Variants in THEMIS observed in about 807,000 individuals in gnomAD.
THEMIS encodes the protein protein THEMIS.
In THEMIS, 37 loss-of-function variants were observed where a neutral mutation model predicts 52.6. That is an observed-to-expected ratio of 0.70 (90% CI 0.54 to 0.93). The LOEUF (loss-of-function observed/expected upper bound fraction) is 0.93. Ranked by LOEUF, THEMIS falls within the 40% of genes least tolerant of loss-of-function variation. The pLI is 0.00. For synonymous variants in THEMIS, 292 were observed against 272.7 expected (o/e 1.07, Z -0.70); for missense variants, 808 against 763.1 (o/e 1.06, Z -0.69).
At chr6:127,802,753 C>T (rs977727135) in intron 4 of THEMIS, among the ~76,000 whole-genome samples, 4 of 152,120 alleles carry the variant, frequency 2.6e-5, no homozygotes, top group African/African-American at 9.7e-5. Flanking sequence ...GTGGAAGGAC[C>T]CCACTACATT....
intron 4 of THEMIS, among the ~76,000 whole-genome samples, chr6:127,798,844 T>G (rs1473618789): frequency 2.0e-5 from 3 of 151,428 alleles, no homozygotes; most frequent in Non-Finnish European, 2.9e-5. Flanking sequence ...TACAAAAAAT[T>G]AGCTGGGCGT....
At chr6:127,774,683 G>A (rs1776499498) in intron 4 of THEMIS, among the ~76,000 whole-genome samples, 1 of 152,184 alleles carries the variant, frequency 6.6e-6, no homozygotes, top group South Asian at 2.1e-4. Flanking sequence ...CACTTAGTCC[G>A]CTAGCCAAGG....
chr6:127,796,945 T>C (rs1777350267), intron 4 of THEMIS, among the ~76,000 whole-genome samples: 1 of 152,252 alleles, frequency 6.6e-6, no homozygotes, highest in South Asian at 2.1e-4. Flanking sequence ...TAGTCTTTAG[T>C]GAGTACATGG....
chr6:127,895,339 T>G, intron 1 of THEMIS, among the ~76,000 whole-genome samples: 1 of 151,488 alleles, frequency 6.6e-6, no homozygotes, highest in East Asian at 1.9e-4. Flanking sequence ...AAAAAACATT[T>G]GTGGTAAGAA....
intron 5 of THEMIS, among the ~76,000 whole-genome samples, chr6:127,719,266 T>A (rs944548939): frequency 1.3e-5 from 2 of 151,948 alleles, no homozygotes; most frequent in Non-Finnish European, 2.9e-5. Flanking sequence ...ACAATCTCTA[T>A]AAACTAAACC....
At chr6:127,825,186 G>A (rs1400862911) in intron 3 of THEMIS, among the ~76,000 whole-genome samples, 1 of 152,064 alleles carries the variant, frequency 6.6e-6, no homozygotes, top group African/African-American at 2.4e-5. Context: ...ATCAGTATGG[G>A]AATTTCAGTA....
intron 4 of THEMIS, among the ~76,000 whole-genome samples, chr6:127,760,051 T>C (rs986546872): frequency 5.9e-5 from 9 of 152,002 alleles, no homozygotes; most frequent in Non-Finnish European, 8.8e-5. Flanking sequence ...TGAGTCAATA[T>C]TGATGTATAG....
At position 127,913,265 on chromosome 6, in the gene THEMIS, T is replaced by C. The variant is rs143678102; in HGVS notation, c.-150+5163A>G. Among the ~76,000 whole-genome samples, 703 of 152,338 alleles carry C rather than the reference T, an allele frequency of 4.6e-3. 7 individuals are homozygous for C. Among genetic ancestry groups the C allele is most frequent in the African/African-American group, 0.016 (666 of 41,560 alleles). ...TTAAGTTCTAGTTCCTTTACCTCTA[T>C]GAAGCCTTTTCTAATCTTTATATTA... On this transcript the variant is annotated intron_variant, in intron 1 of 6. Transcript: ENST00000368250.
chr6:127,696,792 C>T, the THEMIS span, among the ~76,000 whole-genome samples: 1 of 151,670 alleles, frequency 6.6e-6, no homozygotes, highest in Non-Finnish European at 1.5e-5. Context: ...TCTGTCTTTA[C>T]ATAGTCTTTC....
chr6:127,837,440 T>TTTAA (rs1473030393), intron 2 of THEMIS, among the ~76,000 whole-genome samples: 1 of 152,126 alleles, frequency 6.6e-6, no homozygotes, highest in African/African-American at 2.4e-5. Flanking sequence ...AATCTCCTCA[T>TTTAA]TTAATTTATT....
At chr6:127,717,304 G>A (rs1235269694) in intron 5 of THEMIS, among the ~76,000 whole-genome samples, 2 of 151,794 alleles carry the variant, frequency 1.3e-5, no homozygotes, top group Admixed American at 6.6e-5. Context: ...CTACCTAATG[G>A]GGGAGCCAAA....
At chr6:127,840,343 T>C (rs770618809) in intron 2 of THEMIS, among the ~76,000 whole-genome samples, 9 of 152,118 alleles carry the variant, frequency 5.9e-5, no homozygotes, top group Non-Finnish European at 1.0e-4. Context: ...ATAAAAATTA[T>C]GCCTTGAAGA....
At chr6:127,916,899 A>G (rs2114544308) in intron 1 of THEMIS, among the ~76,000 whole-genome samples, 1 of 152,340 alleles carries the variant, frequency 6.6e-6, no homozygotes, top group Non-Finnish European at 1.5e-5. Context: ...AAAACACACT[A>G]AAAGTAATGG....
rs768563536 is a variant in THEMIS, at chr6:127,813,013, A to G, written c.1628T>C (p.Met543Thr). Reference protein sequence around the residue: ...EEITEEQYYMMRRYESSASHP... With the variant: ...EEITEEQYYMTRRYESSASHP... ...TGAGGCTGAGCTTTCATATCTCCGC[A>G]TCATGTAATATTGCTCTTCAGTGAT... is the stretch of plus-strand genomic sequence containing the variant. Residue 543 changes from methionine to threonine, a missense_variant, in exon 4 of 6, where the codon ATG becomes ACG. By Grantham distance (81) the Met-to-Thr change is moderately conservative. Coordinates refer to ENST00000368248, the MANE Select transcript of THEMIS (RefSeq NM_001010923.3). The G allele has an allele frequency of 1.9e-6, 3 of 1,614,104 alleles. No individual in the cohort carries two copies. The highest frequency in any genetic ancestry group is 2.5e-6 in the Non-Finnish European group (3 of 1,179,998).
At chr6:127,720,884 A>AT (rs111249272) in intron 4 of THEMIS, among the ~76,000 whole-genome samples, 3,740 of 151,958 alleles carry the variant, frequency 0.025, 155 homozygotes, top group African/African-American at 0.086. Flanking sequence ...ATTTCTTAAG[A>AT]TTTTTAATGT....
At chr6:127,711,115 T>A (rs1386528213) in intron 5 of THEMIS, among the ~76,000 whole-genome samples, 1 of 151,910 alleles carries the variant, frequency 6.6e-6, no homozygotes, top group Non-Finnish European at 1.5e-5. Flanking sequence ...ATTATTTTTC[T>A]GTAACACTAG....
At chr6:127,749,168 C>A (rs571155080) in intron 4 of THEMIS, among the ~76,000 whole-genome samples, 3 of 152,184 alleles carry the variant, frequency 2.0e-5, no homozygotes, top group Non-Finnish European at 4.4e-5. Flanking sequence ...GGATCTAGAG[C>A]TCTCTGTATG....
intron 1 of THEMIS, among the ~76,000 whole-genome samples, chr6:127,886,499 T>C (rs1217606908): frequency 1.3e-5 from 2 of 152,134 alleles, no homozygotes; most frequent in African/African-American, 4.8e-5. Context: ...CCAGAAAGTT[T>C]ATGCTAACAA....
At chr6:127,792,208 G>A (rs1405207592) in intron 4 of THEMIS, among the ~76,000 whole-genome samples, 1 of 152,198 alleles carries the variant, frequency 6.6e-6, no homozygotes, top group Non-Finnish European at 1.5e-5. Context: ...CTCTGTCAAT[G>A]ATAGAAACAG....
Sources: allele counts gnomAD v4.1 joint callset (sites outside exome capture counted in the v4.1 genomes callset), GRCh38; gene constraint gnomAD v4.1.1; transcripts MANE v1.5; gene names NCBI Gene and HGNC (gene_info 2026-07-23, HGNC 2026-07-21).